PRPF6: variants seen among roughly 807,000 people sequenced by gnomAD.
PRPF6 encodes pre-mRNA-processing factor 6.
Under a neutral mutation model 118.3 loss-of-function variants are expected in PRPF6, and 42 were observed. The ratio of observed to expected loss-of-function variants is 0.35; its 90% CI spans 0.28 to 0.46. The LOEUF is 0.46. Among genes scored for constraint, PRPF6 ranks in the 20% least tolerant of loss-of-function variants. The pLI is 1.00. For synonymous variants in PRPF6, 481 were observed against 485.1 expected, an observed-to-expected ratio of 0.99 and a Z score of 0.11; for missense variants, 662 against 1,255.7, an observed-to-expected ratio of 0.53 and a Z score of 7.15.
In PRPF6 at chr20:63,995,053, G is replaced by T; in HGVS notation, c.576G>T (p.Gln192His). 1 of 1,614,180 alleles carries T rather than the reference G, an allele frequency of 6.2e-7. No homozygotes were observed. The highest frequency in any genetic ancestry group is 8.5e-7 in the Non-Finnish European group (1 of 1,180,038). ...ACAGTTTCTTTGCCAAACATTTACA[G>T]ACCGGAGAGAACCATACCTCAGTGG... ...VPDSFFAKHLQTGENHTSVDP... is the reference protein window; with the variant it reads ...VPDSFFAKHLHTGENHTSVDP... Residue 192 changes from glutamine to histidine, a missense_variant, in exon 5 of 21, where the codon CAG becomes CAT. Coordinates refer to ENST00000266079, the MANE Select transcript of PRPF6 (RefSeq NM_012469.4).
chr20:64,027,860 G>A lies in PRPF6; in HGVS notation c.2339+124G>A, dbSNP rs2059297972. 2.2e-6 allele frequency: 3 copies of A among 1,378,290 alleles called. No homozygotes were observed. The highest frequency in any genetic ancestry group is 1.2e-5 in the South Asian group (1 of 85,416). 85.4% of individuals were successfully genotyped at this position (1,378,290 alleles called of 1,614,324 possible). A position where few individuals can be genotyped will look rare whatever the true frequency, so the allele number is the denominator to read the frequency against. ...TTCCAGGCTCAGGGGCTTGGGGGGC[G>A]GTAGGTGCTGGCCATGAAAAATCAC... On this transcript the variant is annotated intron_variant, in intron 17 of 20. Coordinates refer to ENST00000266079, the MANE Select transcript of PRPF6 (RefSeq NM_012469.4). This position sits in a 1 kb window ranked among gnomAD's most constrained non-coding sequence, Gnocchi z 6.5.
intron 2 of PRPF6, among the ~76,000 whole-genome samples, chr20:63,984,313 C>T (rs570746964): frequency 1.6e-4 from 24 of 151,672 alleles, no homozygotes; most frequent in African/African-American, 3.2e-4. Context: ...CCCAGCTACT[C>T]GGGAGGCTGA....
At position 64,023,688 on chromosome 20, in the gene PRPF6, T is replaced by C. The variant is rs78069881; in HGVS notation, c.1769+810T>C. On this transcript the variant is annotated intron_variant, in intron 13 of 20. Transcript: ENST00000266079. The stretch of plus-strand genomic sequence containing the variant: ...GTCTGTGTTTGGGAGTGATCTCCTT[T>C]GGGGACGTTTTGAAATGGCTGCCAT... Among the ~76,000 whole-genome samples, 695 of 152,310 alleles carry C rather than the reference T, an allele frequency of 4.6e-3. 6 individuals are homozygous for C. Among genetic ancestry groups the C allele is most frequent in the African/African-American group, 0.016 (668 of 41,568 alleles).
At chr20:64,014,129 G>A (rs983565104) in intron 11 of PRPF6, among the ~76,000 whole-genome samples, 5 of 151,804 alleles carry the variant, frequency 3.3e-5, no homozygotes, top group African/African-American at 2.4e-5. Flanking sequence ...TTGTAGAGAC[G>A]CGGTTTTGCC....
Position 64,033,021 on chromosome 20 carries a change from TGG to T in PRPF6, c.*31_*32del. 6.2e-7 allele frequency: 1 copy of T among 1,612,596 alleles called. No individual in the cohort carries two copies. The highest frequency in any genetic ancestry group is 8.5e-7 in the Non-Finnish European group (1 of 1,179,932). On this transcript the variant is annotated 3_prime_UTR_variant, in exon 21 of 21. Coordinates refer to ENST00000266079, the MANE Select transcript of PRPF6 (RefSeq NM_012469.4). ...GAGCGGTTGCCATGGCCGGTCTCCG[TGG>T]GGCAGGGTTGGGCCGCATGTGGAAG...
intron 3 of PRPF6, among the ~76,000 whole-genome samples, chr20:63,990,597 G>A (rs1427558565): frequency 1.3e-5 from 2 of 151,438 alleles, no homozygotes; most frequent in African/African-American, 4.9e-5. Flanking sequence ...AGCCTCCCAG[G>A]TAGCTGGGAT....
chr20:64,010,127 G>A (rs2059209458), intron 9 of PRPF6, 73 bp from the exon 10 acceptor site: 2 of 1,288,254 alleles, frequency 1.6e-6, no homozygotes, highest in Admixed American at 3.4e-5. Context: ...CTGACCAGCA[G>A]CATGCTCACC....
chr20:64,016,246 C>T (rs897742527), intron 11 of PRPF6, among the ~76,000 whole-genome samples: 12 of 152,060 alleles, frequency 7.9e-5, no homozygotes, highest in East Asian at 3.9e-4. Flanking sequence ...CTCGGCCTCC[C>T]GAGTAAGCTG....
At chr20:63,982,329 G>A (rs535851669) in intron 1 of PRPF6, among the ~76,000 whole-genome samples, 3 of 152,040 alleles carry the variant, frequency 2.0e-5, no homozygotes, top group South Asian at 2.1e-4. Context: ...CCGCTACCAC[G>A]CCCGGCTAAT....
chr20:63,992,623 C>T (rs1165262416), intron 3 of PRPF6, among the ~76,000 whole-genome samples: 1 of 152,118 alleles, frequency 6.6e-6, no homozygotes, highest in African/African-American at 2.4e-5. Context: ...TAAATATACA[C>T]ATGTCCAAAT....
At chr20:63,992,166 A>G (rs1374445005) in intron 3 of PRPF6, among the ~76,000 whole-genome samples, 1 of 151,888 alleles carries the variant, frequency 6.6e-6, no homozygotes, top group African/African-American at 2.4e-5. Flanking sequence ...GCTCACTGCA[A>G]CCTCCACTTC....
intron 3 of PRPF6, among the ~76,000 whole-genome samples, chr20:63,987,547 A>T (rs2059100169): frequency 6.6e-6 from 1 of 152,208 alleles, no homozygotes; most frequent in Admixed American, 6.5e-5. Context: ...CTGGAACGCA[A>T]CAAGGATGCC....
intron 3 of PRPF6, among the ~76,000 whole-genome samples, chr20:63,986,067 A>G (rs1400463435): frequency 6.6e-6 from 1 of 152,144 alleles, no homozygotes; most frequent in Non-Finnish European, 1.5e-5. Context: ...GGCGCAGTGG[A>G]TCACGCCTGT....
At chr20:63,995,589 T>G in intron 6 of PRPF6, 107 bp downstream of exon 6, 1 of 1,204,736 alleles carries the variant, frequency 8.3e-7, no homozygotes, top group Non-Finnish European at 1.2e-6. Context: ...CTCCTCCTTC[T>G]CCTCCTCCTC....
chr20:64,011,730 C>T lies in PRPF6; in HGVS notation c.1524+227C>T, dbSNP rs2059218087. 6.6e-6 allele frequency among the ~76,000 whole-genome samples: 1 copy of T among 152,264 alleles called. No homozygotes were observed. On this transcript the variant is annotated intron_variant, in intron 11 of 20. Transcript: ENST00000266079. This position sits in a 1 kb window ranked among gnomAD's most constrained non-coding sequence, Gnocchi z 6.7. Reference sequence around the variant, plus strand: ...GGGGTGAACACTTCAGAAGCCCTTTCAGTGTGTGCACACCTGACTGCATTT... The same window carrying T: ...GGGGTGAACACTTCAGAAGCCCTTTTAGTGTGTGCACACCTGACTGCATTT...
intron 11 of PRPF6, 21 bp from the exon 12 acceptor site, chr20:64,016,702 A>C (rs767728537): frequency 3.1e-6 from 5 of 1,613,762 alleles, no homozygotes; most frequent in South Asian, 1.1e-5. Context: ...ATCACAAATA[A>C]GTTTTGTGTT....
rs1360531165 is a variant in PRPF6 at position 64,029,314 on chromosome 20, T to C, written c.2432-63T>C. ...ACGTCCCGGGTTAGAATCTGTAGGC[T>C]GGGCACCTTTCCGGAACCAGAGGCT... On this transcript the variant is annotated intron_variant, in intron 18 of 20. Transcript: ENST00000266079. The surrounding 1 kb of genome is among the most constrained non-coding windows in gnomAD (Gnocchi z 4.8). 6 of 1,459,900 alleles carry C rather than the reference T, an allele frequency of 4.1e-6. No homozygotes were observed. The African/African-American group carries it at 8.4e-5, about 20-fold the overall frequency. The allele number at this position is 1,459,900 out of a possible 1,614,324, so 90.4% of individuals were successfully genotyped here.
chr20:63,985,057 A>G (rs557937487), intron 3 of PRPF6, 32 bp downstream of exon 3: 9 of 1,590,030 alleles, frequency 5.7e-6, no homozygotes, highest in African/African-American at 4.0e-5. Context: ...CACAATATTT[A>G]TCCAAGTTTA....
chr20:64,007,176 G>A (rs1253695538), intron 9 of PRPF6, among the ~76,000 whole-genome samples: 1 of 152,194 alleles, frequency 6.6e-6, no homozygotes, highest in African/African-American at 2.4e-5. Context: ...ACCCTATGAG[G>A]CCACTGCTGC....
Sources: allele counts gnomAD v4.1 joint callset (sites outside exome capture counted in the v4.1 genomes callset), GRCh38; gene constraint gnomAD v4.1.1; non-coding constraint Gnocchi (gnomAD v3.1); transcripts MANE v1.5; gene names NCBI Gene and HGNC (gene_info 2026-07-23, HGNC 2026-07-21).